PAG1: variants seen among roughly 807,000 people sequenced by gnomAD.
PAG1 encodes phosphoprotein associated with glycosphingolipid-enriched microdomains 1.
Under a neutral mutation model 31.7 loss-of-function variants are expected in PAG1, and 23 were observed. That is an observed-to-expected ratio of 0.73 (90% CI 0.52 to 1.03). The LOEUF is 1.03. Ranked by LOEUF, PAG1 falls within the 50% of genes least tolerant of loss-of-function variation. The pLI, the probability that PAG1 is intolerant of heterozygous loss-of-function variation, is 0.00. For missense variants in PAG1, 473 were observed against 540.7 expected (o/e 0.87, Z 1.24); for synonymous variants, 214 against 210.3 (o/e 1.02, Z -0.15).
chr8:80,982,078 C>T (rs1232640242), intron 7 of PAG1, among the ~76,000 whole-genome samples: 1 of 151,776 alleles, frequency 6.6e-6, no homozygotes, highest in Non-Finnish European at 1.5e-5. Context: ...ATTGCCCAGG[C>T]TGGTTTCAAA....
At chr8:81,096,307 C>G (rs1314211379) in intron 1 of PAG1, among the ~76,000 whole-genome samples, 1 of 148,126 alleles carries the variant, frequency 6.8e-6, no homozygotes, top group African/African-American at 2.6e-5. Flanking sequence ...AATGAACATG[C>G]ATTCTGACCC....
chr8:81,006,486 C>G (rs1807879387), intron 3 of PAG1, among the ~76,000 whole-genome samples: 1 of 152,262 alleles, frequency 6.6e-6, no homozygotes, highest in South Asian at 2.1e-4. Flanking sequence ...AAGTAAAAAT[C>G]TAATCTCATA....
chr8:80,981,089 C>T (rs1191272203), intron 7 of PAG1, among the ~76,000 whole-genome samples: 1 of 152,070 alleles, frequency 6.6e-6, no homozygotes, highest in Admixed American at 6.6e-5. Flanking sequence ...ACTTTCCCTT[C>T]CCCCACTGAT....
At chr8:81,041,383 T>C (rs550391217) in intron 2 of PAG1, among the ~76,000 whole-genome samples, 8 of 152,304 alleles carry the variant, frequency 5.3e-5, no homozygotes, top group Middle Eastern at 3.4e-3. Flanking sequence ...ATTTACCAGA[T>C]CTTCATGTTA....
chr8:81,096,263 A>G (rs939546139), intron 1 of PAG1, among the ~76,000 whole-genome samples: 3 of 152,176 alleles, frequency 2.0e-5, no homozygotes, highest in Admixed American at 6.5e-5. Context: ...GCCGTGGGGA[A>G]CAGCCAATGG....
chr8:81,035,371 G>C (rs549620295), intron 2 of PAG1, among the ~76,000 whole-genome samples: 1 of 152,290 alleles, frequency 6.6e-6, no homozygotes, highest in Non-Finnish European at 1.5e-5. Flanking sequence ...TAGGATACCA[G>C]AGCCTACATC....
chr8:81,073,316 C>T (rs990703906), intron 1 of PAG1, among the ~76,000 whole-genome samples: 2 of 152,086 alleles, frequency 1.3e-5, no homozygotes, highest in African/African-American at 4.8e-5. Flanking sequence ...AGAGCAGTGT[C>T]GGGTGGTTAA....
At chr8:81,008,565 A>G (rs1491000361) in intron 3 of PAG1, among the ~76,000 whole-genome samples, 1 of 148,404 alleles carries the variant, frequency 6.7e-6, no homozygotes, top group Admixed American at 6.8e-5. Flanking sequence ...ACTAATATAT[A>G]ATATATATAA....
chr8:81,057,562 G>A (rs62517870), intron 2 of PAG1, among the ~76,000 whole-genome samples: 1 of 126,780 alleles, frequency 7.9e-6, no homozygotes, highest in African/African-American at 3.0e-5. Context: ...ACAGGGGCCT[G>A]TCGTGGGGTC....
chr8:80,982,306 G>A (rs888633532), intron 7 of PAG1, among the ~76,000 whole-genome samples: 1 of 151,918 alleles, frequency 6.6e-6, no homozygotes, highest in African/African-American at 2.4e-5. Context: ...TCTTGTCAAG[G>A]GCACCAATGA....
chr8:81,003,076 G>A (rs1807815553), intron 3 of PAG1, among the ~76,000 whole-genome samples: 1 of 152,162 alleles, frequency 6.6e-6, no homozygotes, highest in Non-Finnish European at 1.5e-5. Flanking sequence ...GGAACTTGTT[G>A]AAATGCAGAA....
At chr8:81,110,989 C>A (rs752692569) in intron 1 of PAG1, among the ~76,000 whole-genome samples, 9 of 152,342 alleles carry the variant, frequency 5.9e-5, no homozygotes, top group Admixed American at 3.9e-4. Flanking sequence ...TATCTGAATC[C>A]TATTTCTTGA....
chr8:81,094,071 C>G (rs1261790632), intron 1 of PAG1, among the ~76,000 whole-genome samples: 1 of 152,200 alleles, frequency 6.6e-6, no homozygotes, highest in African/African-American at 2.4e-5. Context: ...CACTGCGGTT[C>G]TCCCCAGCTG....
Position 80,984,989 on chromosome 8 carries a change from T to G in PAG1, c.663A>C (p.Lys221Asn). 6.2e-7 allele frequency: 1 copy of G among 1,614,180 alleles called. No individual in the cohort carries two copies. Among genetic ancestry groups the G allele is most frequent in the Non-Finnish European group, 8.5e-7 (1 of 1,180,038 alleles). Reference sequence around the variant, plus strand: ...CCGAGGCATATTCAGCAAACTCAGCTTTGCCTTCAGTCTGGGGCCCTGGGA... The same window carrying G: ...CCGAGGCATATTCAGCAAACTCAGCGTTGCCTTCAGTCTGGGGCCCTGGGA... ...KELPGPQTEG[K>N]AEFAEYASVD... Residue 221 changes from lysine to asparagine, a missense_variant, in exon 7 of 9, where the codon AAA (lysine) becomes AAC (asparagine). Physicochemically the swap from Lys to Asn is moderately conservative, Grantham distance 94 (BLOSUM62 0). Coordinates refer to ENST00000220597, the MANE Select transcript of PAG1 (RefSeq NM_018440.4).
intron 7 of PAG1, among the ~76,000 whole-genome samples, chr8:80,982,260 G>C (rs561511584): frequency 6.6e-6 from 1 of 152,072 alleles, no homozygotes; most frequent in Admixed American, 6.5e-5. Context: ...ATCCATTTCA[G>C]TCATGTTTCT....
rs771706731 is a variant in PAG1, at chr8:80,985,146, C to T, written c.506G>A (p.Ser169Asn). Reference sequence around the variant, plus strand: ...CTCCACCATGTTTTCTTGGGAGGAGCTGTCCTTGAGCACTTCATAGGGCCC... The same window carrying T: ...CTCCACCATGTTTTCTTGGGAGGAGTTGTCCTTGAGCACTTCATAGGGCCC... Reference protein sequence around the residue: ...MEGPYEVLKDSSSQENMVEDC... With the variant: ...MEGPYEVLKDNSSQENMVEDC... The change falls in exon 7 of 9, where the codon AGC (serine) becomes AAC (asparagine). Residue 169 changes from serine (S) to asparagine (N), a missense_variant. By Grantham distance (46) the Ser-to-Asn change is conservative. Transcript: ENST00000220597. 1.2e-6 allele frequency: 2 copies of T among 1,614,124 alleles called. No individual in the cohort carries two copies. Among genetic ancestry groups the T allele is most frequent in the East Asian group, 2.2e-5 (1 of 44,882 alleles).
chr8:81,091,906 G>A (rs901128885), intron 1 of PAG1, among the ~76,000 whole-genome samples: 17 of 151,610 alleles, frequency 1.1e-4, no homozygotes, highest in East Asian at 9.6e-4. Context: ...AGGGTGAGGC[G>A]GGAGAATTGC....
rs752983337 is a variant in PAG1 at position 80,985,198 on chromosome 8, C to T, written c.454G>A (p.Asp152Asn). ...VDTMLTARSV[D>N]GDQGLGMEGP... is the part of the protein sequence containing the mutation. ...TCCATCCCCAGCCCCTGGTCCCCGTCCACACTTCTCGCCGTGAGCATGGTA... is the reference window on the plus strand; with the variant it reads ...TCCATCCCCAGCCCCTGGTCCCCGTTCACACTTCTCGCCGTGAGCATGGTA... Residue 152 changes from aspartate to asparagine, a missense_variant, in exon 7 of 9, where the codon GAC becomes AAC. By Grantham distance (23) the Asp-to-Asn change is conservative. Transcript: ENST00000220597. 2 of 1,614,156 alleles carry T rather than the reference C, an allele frequency of 1.2e-6. No individual in the cohort carries two copies. The highest frequency in any genetic ancestry group is 1.3e-5 in the African/African-American group (1 of 75,022).
At chr8:81,055,065 CTTTT>C (rs1249173701) in intron 2 of PAG1, among the ~76,000 whole-genome samples, 2 of 142,622 alleles carry the variant, frequency 1.4e-5, no homozygotes, top group East Asian at 2.0e-4. Flanking sequence ...GAATTAATTT[CTTTT>C]TTTTTCTTTT....
Sources: gnomAD v4.1 joint callset for allele counts (sites outside exome capture counted in the v4.1 genomes callset) on GRCh38, gnomAD v4.1.1 for gene constraint, MANE v1.5 for transcripts, NCBI Gene and HGNC (gene_info 2026-07-23, HGNC 2026-07-21) for gene names.